Variants in KSR2 observed in about 807,000 individuals in gnomAD.
KSR2 encodes the protein kinase suppressor of ras 2.
A neutral mutation model predicts 107.8 loss-of-function variants in KSR2; 25 were observed. The ratio of observed to expected loss-of-function variants is 0.23; its 90% CI spans 0.17 to 0.32. The LOEUF is 0.32. KSR2 is among the 10% of genes least tolerant of loss of function. The pLI is 1.00. For missense variants in KSR2, 887 were observed against 1,268.9 expected (o/e 0.70, Z 4.57); for synonymous variants, 480 against 507.0 (o/e 0.95, Z 0.71).
chr12:117,857,933 G>T (rs1422389282), intron 2 of KSR2, among the ~76,000 whole-genome samples: 1 of 152,140 alleles, frequency 6.6e-6, no homozygotes, highest in Non-Finnish European at 1.5e-5. Flanking sequence ...CCACTCCCTG[G>T]GTCCCTGGAC....
intron 1 of KSR2, among the ~76,000 whole-genome samples, chr12:117,940,962 T>G (rs1183466034): frequency 1.3e-5 from 2 of 151,978 alleles, no homozygotes; most frequent in East Asian, 3.9e-4. Context: ...GGTGGTTACC[T>G]GTAATTCAGC....
At chr12:117,716,538 GTAAAA>G (rs1186268468) in intron 4 of KSR2, among the ~76,000 whole-genome samples, 5 of 152,110 alleles carry the variant, frequency 3.3e-5, no homozygotes, top group African/African-American at 1.2e-4. Flanking sequence ...GGATCTATTG[GTAAAA>G]TAAAATAAAT....
chr12:117,467,739 C>A, intron 19 of KSR2: 1 of 409,304 alleles, frequency 2.4e-6, no homozygotes, highest in South Asian at 1.8e-5. Flanking sequence ...TCCACTGCAG[C>A]AAAAGGAACT....
At chr12:117,747,657 T>G (rs1888461205) in intron 4 of KSR2, among the ~76,000 whole-genome samples, 1 of 152,106 alleles carries the variant, frequency 6.6e-6, no homozygotes, top group Non-Finnish European at 1.5e-5. Flanking sequence ...GAATAGACAT[T>G]TCTCAAAAGA....
intron 3 of KSR2, among the ~76,000 whole-genome samples, chr12:117,798,872 G>A (rs1890732686): frequency 6.6e-6 from 1 of 152,124 alleles, no homozygotes; most frequent in Non-Finnish European, 1.5e-5. Flanking sequence ...ACAAAAGGTA[G>A]TATATGCATA....
intron 5 of KSR2, among the ~76,000 whole-genome samples, chr12:117,632,493 T>A (rs962213784): frequency 6.6e-6 from 1 of 152,146 alleles, no homozygotes; most frequent in Non-Finnish European, 1.5e-5. Context: ...CCCAAAGTGC[T>A]GGGATTACAG....
chr12:117,604,184 C>T (rs1857452503), intron 5 of KSR2, among the ~76,000 whole-genome samples: 1 of 152,134 alleles, frequency 6.6e-6, no homozygotes, highest in South Asian at 2.1e-4. Context: ...ATGACTCCTC[C>T]TAAGCTTATT....
At chr12:117,716,452 TGAA>T (rs1382502189) in intron 4 of KSR2, among the ~76,000 whole-genome samples, 1 of 152,228 alleles carries the variant, frequency 6.6e-6, no homozygotes, top group Non-Finnish European at 1.5e-5. Flanking sequence ...CACCAGATTT[TGAA>T]GACTCCACAT....
intron 1 of KSR2, among the ~76,000 whole-genome samples, chr12:117,901,771 C>T (rs1894691721): frequency 6.6e-6 from 1 of 152,106 alleles, no homozygotes; most frequent in Non-Finnish European, 1.5e-5. Flanking sequence ...CCTAGACCTG[C>T]GAGGCCATCA....
At chr12:117,667,915 C>G (rs1197873410) in intron 4 of KSR2, among the ~76,000 whole-genome samples, 2 of 152,112 alleles carry the variant, frequency 1.3e-5, no homozygotes, top group Non-Finnish European at 2.9e-5. Flanking sequence ...TTGCCCAGCT[C>G]CCTAGAGAAG....
chr12:117,860,152 G>T, intron 2 of KSR2, 139 bp downstream of exon 2: 1 of 835,176 alleles, frequency 1.2e-6, no homozygotes, highest in Non-Finnish European at 1.8e-6. Context: ...GAATGTTTTC[G>T]TCCAGCACAT....
chr12:117,701,555 C>G (rs573705261), intron 4 of KSR2, among the ~76,000 whole-genome samples: 1 of 152,254 alleles, frequency 6.6e-6, no homozygotes, highest in Non-Finnish European at 1.5e-5. Context: ...GCTACTGGGA[C>G]TTGTGAATGT....
intron 5 of KSR2, among the ~76,000 whole-genome samples, chr12:117,659,981 G>A (rs985480018): frequency 4.6e-5 from 7 of 152,182 alleles, no homozygotes; most frequent in Admixed American, 4.6e-4. Context: ...GCTGGGGCTG[G>A]AGAGCAGCTG....
rs1322243568 is a variant in KSR2 at position 117,582,188 on chromosome 12, G to A, written c.1241+102C>T. The A allele has an allele frequency of 8.5e-6, 8 of 936,836 alleles. No homozygotes were observed. In the Admixed American group the frequency reaches 1.2e-4, roughly 14 times the overall value. The allele number at this position is 936,836 out of a possible 1,614,324, so 58.0% of individuals were successfully genotyped here. On this transcript the variant is annotated intron_variant, in intron 6 of 19. Transcript: ENST00000339824. ...GGGACATGGTGATGTAGGTGCTGGAGCTCAATAGCCTAGCCTTCTCTCACC... is the reference window on the plus strand; with the variant it reads ...GGGACATGGTGATGTAGGTGCTGGAACTCAATAGCCTAGCCTTCTCTCACC...
At chr12:117,484,611 G>A in intron 15 of KSR2, 62 bp from the exon 16 acceptor site, 1 of 1,564,814 alleles carries the variant, frequency 6.4e-7, no homozygotes, top group South Asian at 1.1e-5. Flanking sequence ...TGCCACCCTG[G>A]CTTGAGTTCA....
At chr12:117,908,057 G>A (rs1018222963) in intron 1 of KSR2, among the ~76,000 whole-genome samples, 13 of 152,120 alleles carry the variant, frequency 8.5e-5, no homozygotes, top group Non-Finnish European at 1.9e-4. Context: ...GCAAGAAGGT[G>A]ATTGACAGCG....
intron 3 of KSR2, among the ~76,000 whole-genome samples, chr12:117,793,215 C>A (rs899890624): frequency 4.2e-5 from 6 of 143,570 alleles, no homozygotes; most frequent in African/African-American, 1.4e-4. Context: ...CATGCACACA[C>A]CCTCACACCA....
At chr12:117,754,687 G>A in intron 4 of KSR2, among the ~76,000 whole-genome samples, 1 of 151,798 alleles carries the variant, frequency 6.6e-6, no homozygotes. Flanking sequence ...TGTAATCCCA[G>A]CTACTTGGGA....
intron 1 of KSR2, among the ~76,000 whole-genome samples, chr12:117,925,662 C>T (rs143135519): frequency 3.0e-4 from 45 of 152,206 alleles, no homozygotes; most frequent in African/African-American, 8.9e-4. Flanking sequence ...CTAAGCATTT[C>T]ACATGTATTA....
Sources: allele counts gnomAD v4.1 joint callset (sites outside exome capture counted in the v4.1 genomes callset), GRCh38; gene constraint gnomAD v4.1.1; transcripts MANE v1.5; gene names NCBI Gene and HGNC (gene_info 2026-07-23, HGNC 2026-07-21).